Variants in STXBP6 observed in about 807,000 individuals in gnomAD.
The protein encoded by STXBP6 is syntaxin binding protein 6.
A neutral mutation model predicts 26.9 loss-of-function variants in STXBP6; 21 were observed. That is an observed-to-expected ratio of 0.78 (90% CI 0.55 to 1.12). The LOEUF (loss-of-function observed/expected upper bound fraction) is 1.12, where lower values mean the gene tolerates loss of function less well. STXBP6 is among the 50% of genes most tolerant of loss of function. STXBP6 has a pLI of 0.00. For missense variants in STXBP6, 232 were observed against 257.9 expected, an observed-to-expected ratio of 0.90 and a Z score of 0.69; for synonymous variants, 97 against 92.6, an observed-to-expected ratio of 1.05 and a Z score of -0.27.
intron 5 of STXBP6, among the ~76,000 whole-genome samples, chr14:24,813,637 G>T (rs1000343753): frequency 6.6e-6 from 1 of 152,174 alleles, no homozygotes; most frequent in Non-Finnish European, 1.5e-5. Flanking sequence ...TTTGAGCAAA[G>T]AACAGGTGAT....
At chr14:24,966,400 A>C (rs2073735140) in intron 2 of STXBP6, among the ~76,000 whole-genome samples, 1 of 151,996 alleles carries the variant, frequency 6.6e-6, no homozygotes, top group East Asian at 1.9e-4. Context: ...AAAAAAAAAA[A>C]AAAAATGACA....
At chr14:24,886,196 TTTCTGATATTTTA>T (rs2070579617) in intron 2 of STXBP6, among the ~76,000 whole-genome samples, 1 of 152,168 alleles carries the variant, frequency 6.6e-6, no homozygotes, top group African/African-American at 2.4e-5. Flanking sequence ...ACATTAGCTA[TTTCTGATATTTTA>T]TTCTGATATA....
At chr14:25,000,513 T>C (rs947407556) in intron 1 of STXBP6, among the ~76,000 whole-genome samples, 17 of 151,540 alleles carry the variant, frequency 1.1e-4, no homozygotes, top group African/African-American at 3.6e-4. Context: ...CCTCCTGTCT[T>C]CTGGTCCCAT....
chr14:24,977,835 C>T (rs1215972495), intron 1 of STXBP6, among the ~76,000 whole-genome samples: 1 of 152,120 alleles, frequency 6.6e-6, no homozygotes, highest in African/African-American at 2.4e-5. Flanking sequence ...CCTTTCTCAC[C>T]CATCAGTGTG....
intron 2 of STXBP6, among the ~76,000 whole-genome samples, chr14:24,867,301 G>GTCTTGA (rs2069758255): frequency 6.6e-6 from 1 of 152,156 alleles, no homozygotes; most frequent in Non-Finnish European, 1.5e-5. Flanking sequence ...AACTGCCAGT[G>GTCTTGA]TCTTGATCTT....
At chr14:24,983,809 A>G (rs2074259133) in intron 1 of STXBP6, among the ~76,000 whole-genome samples, 1 of 152,228 alleles carries the variant, frequency 6.6e-6, no homozygotes, top group African/African-American at 2.4e-5. Flanking sequence ...CTTAAAATAT[A>G]ACAGTGAAAA....
chr14:24,825,082 T>C, intron 4 of STXBP6, among the ~76,000 whole-genome samples: 1 of 152,194 alleles, frequency 6.6e-6, no homozygotes, highest in East Asian at 1.9e-4. Flanking sequence ...GGAAAATCTT[T>C]AATGCGTTAA....
chr14:24,944,624 C>T (rs138234956), intron 2 of STXBP6, among the ~76,000 whole-genome samples: 248 of 152,218 alleles, frequency 1.6e-3, no homozygotes, highest in Admixed American at 2.8e-3. Flanking sequence ...GGTTTGCCTA[C>T]CTAAGTTGTT....
chr14:25,010,656 G>T (rs965625923), intron 1 of STXBP6: 7 of 152,208 alleles, frequency 4.6e-5, no homozygotes, highest in African/African-American at 1.4e-4. Context: ...GCACAGAAAG[G>T]CGGAGCCTTA....
At chr14:24,950,712 T>C (rs1052163223) in intron 2 of STXBP6, among the ~76,000 whole-genome samples, 6 of 152,316 alleles carry the variant, frequency 3.9e-5, no homozygotes, top group East Asian at 1.9e-4. Context: ...CTAGTACACA[T>C]TGAGCTTCTC....
At chr14:25,013,030 T>A (rs192656324) in intron 1 of STXBP6, among the ~76,000 whole-genome samples, 3 of 152,260 alleles carry the variant, frequency 2.0e-5, no homozygotes, top group Non-Finnish European at 2.9e-5. Flanking sequence ...AGTCTGAGGC[T>A]GCAGTGAGCT....
chr14:25,045,608 T>C (rs2075714154), intron 1 of STXBP6, among the ~76,000 whole-genome samples: 1 of 149,312 alleles, frequency 6.7e-6, no homozygotes, highest in Non-Finnish European at 1.5e-5. Context: ...TTCTTTTCTT[T>C]TTTTTTTTTT....
intron 1 of STXBP6, among the ~76,000 whole-genome samples, chr14:25,040,479 T>C (rs1595362221): frequency 6.6e-6 from 1 of 152,182 alleles, no homozygotes; most frequent in East Asian, 1.9e-4. Context: ...TAGAGATAAG[T>C]AACAGTACCT....
At chr14:24,862,766 T>TA (rs899910649) in intron 2 of STXBP6, among the ~76,000 whole-genome samples, 3 of 152,074 alleles carry the variant, frequency 2.0e-5, no homozygotes, top group Admixed American at 6.5e-5. Context: ...AGGAGAAAAA[T>TA]AAAAAACATC....
intron 2 of STXBP6, among the ~76,000 whole-genome samples, chr14:24,916,309 C>A (rs1324005166): frequency 6.6e-6 from 1 of 152,070 alleles, no homozygotes; most frequent in Non-Finnish European, 1.5e-5. Context: ...CTGGGGAAAT[C>A]TATAAATCAG....
chr14:24,952,271 C>A (rs776825726), intron 2 of STXBP6, among the ~76,000 whole-genome samples: 2 of 150,508 alleles, frequency 1.3e-5, no homozygotes, highest in South Asian at 4.2e-4. Context: ...TCAGGCTGCT[C>A]TGCTTAGGGG....
chr14:24,898,163 G>A (rs552749718), intron 2 of STXBP6, among the ~76,000 whole-genome samples: 10 of 152,264 alleles, frequency 6.6e-5, no homozygotes, highest in African/African-American at 2.2e-4. Flanking sequence ...ACCTCAGCTC[G>A]GAAGCTTTCA....
intron 4 of STXBP6, among the ~76,000 whole-genome samples, chr14:24,847,650 A>G (rs1332596150): frequency 1.3e-5 from 2 of 152,148 alleles, no homozygotes; most frequent in African/African-American, 2.4e-5. Flanking sequence ...CCTCTGACTC[A>G]TATTATCTCT....
At chr14:24,969,477 C>T (rs1357466174) in intron 2 of STXBP6, among the ~76,000 whole-genome samples, 2 of 151,966 alleles carry the variant, frequency 1.3e-5, no homozygotes, top group African/African-American at 4.8e-5. Context: ...CTTTATAGAC[C>T]CATATTACCA....
Sources: allele counts gnomAD v4.1 joint callset (sites outside exome capture counted in the v4.1 genomes callset), GRCh38; gene constraint gnomAD v4.1.1; transcripts MANE v1.5; gene names NCBI Gene and HGNC (gene_info 2026-07-23, HGNC 2026-07-21).